Variants in DIXDC1 observed in about 807,000 individuals in gnomAD.
The protein encoded by DIXDC1 is DIX domain containing 1, also known as dixin.
Under a neutral mutation model 103.1 loss-of-function variants are expected in DIXDC1, and 64 were observed. That is an observed-to-expected ratio of 0.62 (90% CI 0.51 to 0.76). DIXDC1 has a LOEUF of 0.76. DIXDC1 is among the 30% of genes least tolerant of loss of function. DIXDC1 has a pLI of 0.00. For synonymous variants in DIXDC1, 266 were observed against 298.5 expected (o/e 0.89, Z 1.12); for missense variants, 759 against 834.2 (o/e 0.91, Z 1.11).
chr11:111,929,583 TAAAA>T (rs587666008), intron 1 of DIXDC1, among the ~76,000 whole-genome samples: 2 of 90,636 alleles, frequency 2.2e-5, no homozygotes, highest in African/African-American at 4.2e-5. Flanking sequence ...ACCTTATCTC[TAAAA>T]AAAAAAAAAA....
intron 19 of DIXDC1, among the ~76,000 whole-genome samples, chr11:112,018,710 T>C (rs1278408087): frequency 2.6e-5 from 4 of 152,198 alleles, no homozygotes; most frequent in Admixed American, 6.5e-5. Context: ...TGATTGGTAA[T>C]TTATTAATTC....
chr11:111,979,652 A>C (rs1361837695), intron 5 of DIXDC1, among the ~76,000 whole-genome samples: 4 of 152,154 alleles, frequency 2.6e-5, no homozygotes, highest in Admixed American at 2.0e-4. Flanking sequence ...GTTCCTTCCA[A>C]GGCTAGTAGT....
intron 1 of DIXDC1, among the ~76,000 whole-genome samples, chr11:111,959,512 C>G (rs985061591): frequency 1.3e-5 from 2 of 152,224 alleles, no homozygotes; most frequent in Non-Finnish European, 2.9e-5. Flanking sequence ...CCCATGTTCA[C>G]TTGATCACAC....
chr11:111,977,742 C>T lies in DIXDC1; in HGVS notation c.656+2759C>T. On this transcript the variant is annotated intron_variant, in intron 5 of 19. Coordinates refer to ENST00000440460, the MANE Select transcript of DIXDC1 (RefSeq NM_001037954.4). This position sits in a 1 kb window ranked among gnomAD's most constrained non-coding sequence, Gnocchi z 6.1. The stretch of plus-strand genomic sequence containing the variant: ...CTCCCACTTCACCCGGGGACGCAGG[C>T]TTGCTGAAGCCCGAGACAGGAGGGG... 1 of 1,560,482 alleles carries T rather than the reference C, an allele frequency of 6.4e-7. No homozygotes were observed. Among genetic ancestry groups the T allele is most frequent in the South Asian group, 1.2e-5 (1 of 84,694 alleles).
At chr11:111,939,855 A>C (rs1434847072) in intron 1 of DIXDC1, among the ~76,000 whole-genome samples, 1 of 152,206 alleles carries the variant, frequency 6.6e-6, no homozygotes, top group Non-Finnish European at 1.5e-5. Flanking sequence ...TGAGATAAGG[A>C]TGTAAACAGT....
Position 111,995,446 on chromosome 11 carries a change from G to T in DIXDC1, c.1571G>T (p.Arg524Leu). Reference protein sequence around the residue: ...QLVRDALRSLRNSFSGHDPQH... With the variant: ...QLVRDALRSLLNSFSGHDPQH... ...GTTCGAGATGCTCTCCGCAGCCTGCGCAACAGCTTCAGTGGCCACGATCCT... is the reference window on the plus strand; with the variant it reads ...GTTCGAGATGCTCTCCGCAGCCTGCTCAACAGCTTCAGTGGCCACGATCCT... Residue 524 changes from arginine to leucine, a missense_variant, in exon 16 of 20, where the codon CGC (arginine) becomes CTC (leucine). This residue lies in a region of DIXDC1 where 657 missense variants were observed against 727.5 expected (regional missense o/e 0.90). Coordinates refer to ENST00000440460, the MANE Select transcript of DIXDC1 (RefSeq NM_001037954.4). 6.2e-7 allele frequency: 1 copy of T among 1,613,602 alleles called. No homozygotes were observed.
chr11:111,980,792 T>A lies in DIXDC1; in HGVS notation c.712T>A (p.Ser238Thr). The A allele has an allele frequency of 1.2e-6, 2 of 1,613,906 alleles. No individual in the cohort carries two copies. Among genetic ancestry groups the A allele is most frequent in the Non-Finnish European group, 1.7e-6 (2 of 1,179,858 alleles). Residue 238 changes from serine (S) to threonine (T), a missense_variant, in exon 6 of 20, where the codon TCA becomes ACA. Ser to Thr is a moderately conservative substitution (Grantham distance 58, BLOSUM62 1). This residue lies in a region of DIXDC1 where 657 missense variants were observed against 727.5 expected (regional missense o/e 0.90). Coordinates refer to ENST00000440460, the MANE Select transcript of DIXDC1 (RefSeq NM_001037954.4). ...AAAGAGCGAGTCCATTATAACCCAGTCAGAAGAGAAGGCAGATTTTGTGAT... is the reference window on the plus strand; with the variant it reads ...AAAGAGCGAGTCCATTATAACCCAGACAGAAGAGAAGGCAGATTTTGTGAT... ...SAKSESIITQSEEKADFVIIP... is the reference protein window; with the variant it reads ...SAKSESIITQTEEKADFVIIP...
chr11:111,977,649 C>T lies in DIXDC1; in HGVS notation c.656+2666C>T. ...CAGTAGCTTTGCTAGCTGGCCTTCC[C>T]GTGGAGGCGTTTTCCAGCCCCAGCG... On this transcript the variant is annotated intron_variant, in intron 5 of 19. Coordinates refer to ENST00000440460, the MANE Select transcript of DIXDC1 (RefSeq NM_001037954.4). This position sits in a 1 kb window ranked among gnomAD's most constrained non-coding sequence, Gnocchi z 6.1. 1.3e-6 allele frequency: 2 copies of T among 1,546,426 alleles called. No homozygotes were observed. Among genetic ancestry groups the T allele is most frequent in the South Asian group, 2.4e-5 (2 of 83,770 alleles).
At chr11:111,953,908 C>G (rs1555170317) in intron 1 of DIXDC1, among the ~76,000 whole-genome samples, 1 of 151,860 alleles carries the variant, frequency 6.6e-6, no homozygotes, top group East Asian at 1.9e-4. Flanking sequence ...AACTGCAGAT[C>G]AGAAATATTT....
chr11:111,955,537 T>C (rs1428820933), intron 1 of DIXDC1, among the ~76,000 whole-genome samples: 1 of 151,686 alleles, frequency 6.6e-6, no homozygotes, highest in African/African-American at 2.4e-5. Context: ...TTGAAAATAA[T>C]TGAAATCAAG....
chr11:111,929,640 G>A (rs1965949801), intron 1 of DIXDC1, among the ~76,000 whole-genome samples: 1 of 150,674 alleles, frequency 6.6e-6, no homozygotes, highest in South Asian at 2.1e-4. Flanking sequence ...TAGCCCTGTT[G>A]TGCTTGTAAT....
Position 111,990,342 on chromosome 11 carries a change from C to T in DIXDC1, c.1113+1287C>T, listed in dbSNP as rs797034813. Among the ~76,000 whole-genome samples the T allele has an allele frequency of 6.1e-5, 9 of 146,998 alleles. No homozygotes were observed. In the South Asian group the frequency reaches 1.5e-3, roughly 25 times the overall value. On this transcript the variant is annotated intron_variant, in intron 10 of 19. Transcript: ENST00000440460. ...CTGACCTCAGGTGATCCACCTGCCTCGGCCTCTCTAAGTGCTGGGATTACA... is the reference window on the plus strand; with the variant it reads ...CTGACCTCAGGTGATCCACCTGCCTTGGCCTCTCTAAGTGCTGGGATTACA...
At chr11:111,987,442 A>T (rs1326316552) in intron 9 of DIXDC1, among the ~76,000 whole-genome samples, 1 of 152,132 alleles carries the variant, frequency 6.6e-6, no homozygotes, top group African/African-American at 2.4e-5. Context: ...TATTGGTTGT[A>T]CCATTCTATA....
At chr11:111,964,286 C>T (rs1365009240) in intron 1 of DIXDC1, among the ~76,000 whole-genome samples, 1 of 152,228 alleles carries the variant, frequency 6.6e-6, no homozygotes, top group East Asian at 1.9e-4. Flanking sequence ...TTGAAAGACT[C>T]ATCTGCTTAT....
chr11:111,933,691 C>CAAAA (rs34415537), upstream of DIXDC1, among the ~76,000 whole-genome samples: 161 of 111,362 alleles, frequency 1.4e-3, no homozygotes, highest in African/African-American at 4.1e-3. Flanking sequence ...CTCTCTCTCT[C>CAAAA]AAAAAAAAAA....
chr11:112,019,072 T>TC lies in DIXDC1; in HGVS notation c.*37dup. On this transcript the variant is annotated 3_prime_UTR_variant, in exon 20 of 20. Transcript: ENST00000440460. The stretch of plus-strand genomic sequence containing the variant: ...CAGATTGAGGGCTTATGGAACCTGG[T>TC]CACTCCCTGGCTGCTTCACTCAGGA... The TC allele has an allele frequency of 6.3e-7, 1 of 1,575,432 alleles. No individual in the cohort carries two copies. Among genetic ancestry groups the TC allele is most frequent in the Non-Finnish European group, 8.7e-7 (1 of 1,146,692 alleles).
At chr11:111,953,230 A>G (rs1966847341) in intron 1 of DIXDC1, among the ~76,000 whole-genome samples, 1 of 152,162 alleles carries the variant, frequency 6.6e-6, no homozygotes, top group African/African-American at 2.4e-5. Context: ...TAGGGTGCGG[A>G]GAGGTACATG....
chr11:111,995,962 G>A, intron 16 of DIXDC1, 118 bp from the exon 17 acceptor site: 1 of 872,772 alleles, frequency 1.1e-6, no homozygotes, highest in Non-Finnish European at 1.9e-6. Context: ...GATTTTATAT[G>A]TTGTGGAAGA....
rs138968305 is a variant in DIXDC1, at chr11:111,950,284, G to C, written c.60+12725G>C. Among the ~76,000 whole-genome samples the C allele has an allele frequency of 4.0e-5, 6 of 150,798 alleles. No homozygotes were observed. In the East Asian group the frequency reaches 1.2e-3, roughly 29 times the overall value. On this transcript the variant is annotated intron_variant, in intron 1 of 19. Transcript: ENST00000440460. ...AATATGAAATATCTTGAATGAAGAAGCTGAGTATCTGGTTTTATACCTAGA... is the reference window on the plus strand; with the variant it reads ...AATATGAAATATCTTGAATGAAGAACCTGAGTATCTGGTTTTATACCTAGA...
Sources: allele counts gnomAD v4.1 joint callset (sites outside exome capture counted in the v4.1 genomes callset), GRCh38; gene constraint gnomAD v4.1.1; regional missense constraint gnomAD v4.1.1; non-coding constraint Gnocchi (gnomAD v3.1); transcripts MANE v1.5; gene names NCBI Gene and HGNC (gene_info 2026-07-23, HGNC 2026-07-21).